TRMT44: variants seen among roughly 807,000 people sequenced by gnomAD.
The protein encoded by TRMT44 is tRNA methyltransferase 44 homolog.
Under a neutral mutation model 77.3 loss-of-function variants are expected in TRMT44, and 78 were observed. The observed-to-expected ratio is 1.01, with a 90% CI of 0.84 to 1.22. The LOEUF is 1.22. Among genes scored for constraint, TRMT44 ranks in the 50% most tolerant of loss-of-function variants. TRMT44 has a pLI of 0.00. For synonymous variants in TRMT44, 391 were observed against 383.3 expected (o/e 1.02, Z -0.23); for missense variants, 1,090 against 964.4 (o/e 1.13, Z -1.73).
chr4:8,479,106 A>G (rs1579093139), downstream of TRMT44: 2 of 152,204 alleles, frequency 1.3e-5, no homozygotes, highest in Non-Finnish European at 2.9e-5. Flanking sequence ...GCTACTCTCC[A>G]GGGCCACAAC....
At position 8,488,243 on chromosome 4, in the gene TRMT44, C is replaced by T. The variant is rs190641649; in HGVS notation, n.3892-5023C>T. Among the ~76,000 whole-genome samples, 13 of 152,174 alleles carry T rather than the reference C, an allele frequency of 8.5e-5. No individual in the cohort carries two copies. In the East Asian group the frequency reaches 1.7e-3, roughly 20 times the overall value. On this transcript the variant is annotated intron_variant and non_coding_transcript_variant, in intron 2 of 2. Transcript: ENST00000511366. ...ATTTCCTAAGGGAGGTTCCCCGGTC[C>T]GAGTCATGGCACCAAATTTCATGAG...
the TRMT44 span, chr4:8,506,758 C>A: frequency 6.6e-6 from 1 of 152,372 alleles, no homozygotes; most frequent in East Asian, 1.9e-4. Context: ...TCCGCCAGAG[C>A]CCACGTCTGC....
At chr4:8,483,501 A>G (rs1223656003) in intron 2 of TRMT44, among the ~76,000 whole-genome samples, 2 of 152,182 alleles carry the variant, frequency 1.3e-5, no homozygotes, top group Non-Finnish European at 2.9e-5. Flanking sequence ...AGGAGCTCAA[A>G]TGGGCTGTAC....
At chr4:8,503,182 A>T in the TRMT44 span, among the ~76,000 whole-genome samples, 105,202 of 152,012 alleles carry the variant, frequency 0.69, 37,246 homozygotes, top group African/African-American at 0.85. Context: ...AAGAAACCCG[A>T]CCCCTTCCCC....
rs1043573373 is a variant in TRMT44 at position 8,456,454 on chromosome 4, G to A, written c.1203+1641G>A. Among the ~76,000 whole-genome samples the A allele has an allele frequency of 3.3e-5, 5 of 151,732 alleles. No homozygotes were observed. The South Asian group carries it at 1.0e-3, about 32-fold the overall frequency. On this transcript the variant is annotated intron_variant, in intron 6 of 10. Coordinates refer to ENST00000389737, the MANE Select transcript of TRMT44 (RefSeq NM_152544.3). The stretch of plus-strand genomic sequence containing the variant: ...TTACGGCATTAGAAGAAAAGGCTGA[G>A]TTCCTTGATATGTCTTATAGATTTC...
intron 8 of TRMT44, among the ~76,000 whole-genome samples, chr4:8,466,029 G>T (rs1345141143): frequency 6.6e-6 from 1 of 152,200 alleles, no homozygotes; most frequent in Non-Finnish European, 1.5e-5. Context: ...GTTGGCCCGG[G>T]GGCTTTCTGT....
At chr4:8,468,651 G>C (rs1726772073) in intron 9 of TRMT44, 1 of 549,742 alleles carries the variant, frequency 1.8e-6, no homozygotes, top group African/African-American at 1.9e-5. Flanking sequence ...ATTATCCAAA[G>C]AGAAAACAGG....
At chr4:8,447,690 C>T (rs1725147931) in intron 2 of TRMT44, among the ~76,000 whole-genome samples, 1 of 152,190 alleles carries the variant, frequency 6.6e-6, no homozygotes, top group Non-Finnish European at 1.5e-5. Flanking sequence ...TGCTCAGGCC[C>T]TGTAGCATGA....
chr4:8,449,994 A>AC (rs1189156777), intron 3 of TRMT44, 106 bp downstream of exon 3: 166 of 580,384 alleles, frequency 2.9e-4, no homozygotes, highest in African/African-American at 2.4e-3. Flanking sequence ...TTGTTCTGTC[A>AC]CCCCCCCAAA....
Position 8,446,677 on chromosome 4 carries a change from T to C in TRMT44, c.734+87T>C. ...CAAAGGATTCTGGGTTGCCAGGGCT[T>C]AAGGTCCTGTCTCTGAGGTGGTTAT... On this transcript the variant is annotated intron_variant, in intron 2 of 10. Transcript: ENST00000389737. This position sits in a 1 kb window ranked among gnomAD's most constrained non-coding sequence, Gnocchi z 4.3. 1.1e-6 allele frequency: 1 copy of C among 870,664 alleles called. No homozygotes were observed. The highest frequency in any genetic ancestry group is 1.8e-6 in the Non-Finnish European group (1 of 568,164). 53.9% of individuals were successfully genotyped at this position (870,664 alleles called of 1,614,324 possible). A position where few individuals can be genotyped will look rare whatever the true frequency, so the allele number is the denominator to read the frequency against.
intron 10 of TRMT44, among the ~76,000 whole-genome samples, chr4:8,474,879 T>C (rs954619146): frequency 2.0e-5 from 3 of 152,292 alleles, no homozygotes; most frequent in African/African-American, 7.2e-5. Flanking sequence ...CTGCGAGGCC[T>C]GGGACCCAGG....
At chr4:8,468,557 G>A (rs1381799808) in intron 9 of TRMT44, 4 of 605,416 alleles carry the variant, frequency 6.6e-6, no homozygotes, top group South Asian at 2.1e-5. Flanking sequence ...GTTATTTCCA[G>A]GGAGTGACAG....
the TRMT44 span, chr4:8,509,783 GGAGGACACAGCCGGGGGTGAGCCATGAGC>G: frequency 6.6e-6 from 1 of 152,504 alleles, no homozygotes; most frequent in Non-Finnish European, 1.5e-5. Context: ...GCTGCAGGCA[GGAGGACACAGCCGGGGGTGAGCCATGAGC>G]GAGGCCTCAC....
At chr4:8,508,945 C>A in the TRMT44 span, 1 of 152,370 alleles carries the variant, frequency 6.6e-6, no homozygotes, top group African/African-American at 2.4e-5. Flanking sequence ...GCCTCATGCA[C>A]CATCCCGGCC....
rs761403100 is a variant in TRMT44 at position 8,454,749 on chromosome 4, G to A, written c.1139G>A (p.Gly380Asp). 2.5e-6 allele frequency: 4 copies of A among 1,614,030 alleles called. No individual in the cohort carries two copies. The African/African-American group carries it at 4.0e-5, about 16-fold the overall frequency. Reference protein sequence around the residue: ...VHILSSEGHPGRGIDVRRRKI... With the variant: ...VHILSSEGHPDRGIDVRRRKI... ...TAAAATTAATTTTTTCAGCATCCAG[G>A]CAGAGGGATTGATGTCCGAAGAAGA... Residue 380 changes from glycine to aspartate, a missense_variant, in exon 6 of 11, where the codon GGC (glycine) becomes GAC (aspartate). Coordinates refer to ENST00000389737, the MANE Select transcript of TRMT44 (RefSeq NM_152544.3).
rs1725490019 is a variant in TRMT44 at position 8,452,081 on chromosome 4, G to A, written c.1023+53G>A. ...CTGGAGTGGGTGGAGTTTGCTACAG[G>A]CAGATGTTCCCTGTAGTGAAGGACA... is the stretch of plus-strand genomic sequence containing the variant. On this transcript the variant is annotated intron_variant, in intron 4 of 10. Transcript: ENST00000389737. The surrounding 1 kb of genome is among the most constrained non-coding windows in gnomAD (Gnocchi z 5.7). 6.9e-7 allele frequency: 1 copy of A among 1,453,072 alleles called. No individual in the cohort carries two copies. 90.0% of individuals were successfully genotyped at this position (1,453,072 alleles called of 1,614,324 possible).
intron 8 of TRMT44, among the ~76,000 whole-genome samples, chr4:8,467,058 C>T (rs969728555): frequency 9.2e-5 from 14 of 152,158 alleles, no homozygotes; most frequent in South Asian, 6.2e-4. Context: ...CCTGGTTGTC[C>T]GGAGGGGACT....
At chr4:8,469,933 A>G (rs1470199468) in intron 9 of TRMT44, among the ~76,000 whole-genome samples, 3 of 152,236 alleles carry the variant, frequency 2.0e-5, no homozygotes, top group African/African-American at 7.2e-5. Flanking sequence ...CCTGTGGGAC[A>G]CTGCTGAGAA....
Position 8,452,430 on chromosome 4 carries a change from A to G in TRMT44, c.1023+402A>G, listed in dbSNP as rs1476607507. 6.6e-6 allele frequency among the ~76,000 whole-genome samples: 1 copy of G among 152,180 alleles called. No individual in the cohort carries two copies. Among genetic ancestry groups the G allele is most frequent in the African/African-American group, 2.4e-5 (1 of 41,440 alleles). ...CTGATTTAATCATCTTGGTTTACTT[A>G]TCTATAAGAATGTTTAGAGTAGGCT... On this transcript the variant is annotated intron_variant, in intron 4 of 10. Coordinates refer to ENST00000389737, the MANE Select transcript of TRMT44 (RefSeq NM_152544.3). The surrounding 1 kb of genome is among the most constrained non-coding windows in gnomAD (Gnocchi z 5.7).
Sources: allele counts gnomAD v4.1 joint callset (sites outside exome capture counted in the v4.1 genomes callset), GRCh38; gene constraint gnomAD v4.1.1; non-coding constraint Gnocchi (gnomAD v3.1); transcripts MANE v1.5; gene names NCBI Gene and HGNC (gene_info 2026-07-23, HGNC 2026-07-21).